Variants in NEK1 observed in about 807,000 individuals in gnomAD.
NEK1 encodes the protein NIMA related kinase 1.
A neutral mutation model predicts 182.1 loss-of-function variants in NEK1; 137 were observed. The ratio of observed to expected loss-of-function variants is 0.75; its 90% CI spans 0.65 to 0.87. The LOEUF is 0.87. Ranked by LOEUF, NEK1 falls within the 40% of genes least tolerant of loss-of-function variation. The pLI is 0.00. For missense variants in NEK1, 1,391 were observed against 1,494.4 expected (o/e 0.93, Z 1.14); for synonymous variants, 513 against 492.2 (o/e 1.04, Z -0.56).
chr4:169,420,331 G>A (rs549206856), intron 31 of NEK1, among the ~76,000 whole-genome samples: 12 of 152,178 alleles, frequency 7.9e-5, no homozygotes, highest in African/African-American at 2.4e-4. Flanking sequence ...CTTTTAATAC[G>A]TAGAACACTC....
At chr4:169,473,389 T>C (rs28697181) in intron 26 of NEK1, among the ~76,000 whole-genome samples, 3 of 152,156 alleles carry the variant, frequency 2.0e-5, no homozygotes, top group Non-Finnish European at 4.4e-5. Context: ...TGAAAAATTA[T>C]CTATTGGGGT....
At chr4:169,417,955 A>G (rs144407318) in intron 31 of NEK1, among the ~76,000 whole-genome samples, 46 of 152,362 alleles carry the variant, frequency 3.0e-4, no homozygotes, top group African/African-American at 1.1e-3. Flanking sequence ...ATTCATTAAA[A>G]TAAAACAAAA....
At chr4:169,577,550 G>A (rs1025563173) in intron 11 of NEK1, among the ~76,000 whole-genome samples, 4 of 151,916 alleles carry the variant, frequency 2.6e-5, no homozygotes, top group Non-Finnish European at 5.9e-5. Flanking sequence ...GGTGGATCAC[G>A]AGGTCAGGAG....
At chr4:169,445,834 C>T (rs1349998323) in intron 27 of NEK1, among the ~76,000 whole-genome samples, 3 of 134,942 alleles carry the variant, frequency 2.2e-5, no homozygotes, top group Non-Finnish European at 4.5e-5. Context: ...AAACTTAAAA[C>T]AAAACAACTA....
chr4:169,543,825 T>C (rs1050289709), intron 18 of NEK1, among the ~76,000 whole-genome samples: 1 of 152,230 alleles, frequency 6.6e-6, no homozygotes, highest in Non-Finnish European at 1.5e-5. Context: ...TTTTTGCACA[T>C]TGATTTTGTA....
intron 11 of NEK1, among the ~76,000 whole-genome samples, chr4:169,577,445 T>C (rs1045631983): frequency 1.3e-5 from 2 of 152,116 alleles, no homozygotes; most frequent in Non-Finnish European, 2.9e-5. Context: ...ATAAACTGTA[T>C]GGTATGTAAG....
chr4:169,459,036 C>T (rs1289919800), intron 27 of NEK1, among the ~76,000 whole-genome samples: 1 of 151,406 alleles, frequency 6.6e-6, no homozygotes, highest in African/African-American at 2.4e-5. Context: ...TGCAAACAGT[C>T]CAAAATCTGA....
intron 19 of NEK1, among the ~76,000 whole-genome samples, chr4:169,527,404 C>T (rs1377032282): frequency 6.6e-6 from 1 of 152,038 alleles, no homozygotes; most frequent in East Asian, 1.9e-4. Flanking sequence ...ATAAATATAA[C>T]AAAGTATTCC....
At chr4:169,460,757 C>A (rs1743818801) in intron 27 of NEK1, among the ~76,000 whole-genome samples, 1 of 152,010 alleles carries the variant, frequency 6.6e-6, no homozygotes, top group South Asian at 2.1e-4. Context: ...AGACTTTCTG[C>A]AGCAATGTTT....
At chr4:169,421,916 T>C (rs1160576949) in intron 31 of NEK1, among the ~76,000 whole-genome samples, 4 of 152,196 alleles carry the variant, frequency 2.6e-5, no homozygotes, top group African/African-American at 7.2e-5. Flanking sequence ...TAGACATTCA[T>C]AGCATATTTC....
At chr4:169,562,851 T>C (rs1420717139) in intron 12 of NEK1, among the ~76,000 whole-genome samples, 1 of 152,186 alleles carries the variant, frequency 6.6e-6, no homozygotes, top group Non-Finnish European at 1.5e-5. Flanking sequence ...CATTTCTTCT[T>C]TTATATACTG....
intron 19 of NEK1, among the ~76,000 whole-genome samples, chr4:169,512,421 T>C (rs1411698680): frequency 2.0e-5 from 3 of 152,112 alleles, no homozygotes; most frequent in Non-Finnish European, 4.4e-5. Context: ...TTTGGTGAAA[T>C]GTTTTGTATA....
intron 12 of NEK1, among the ~76,000 whole-genome samples, chr4:169,571,932 G>A (rs144956958): frequency 0.012 from 1,790 of 146,756 alleles, 31 homozygotes; most frequent in African/African-American, 0.043. Flanking sequence ...TAGAGAAGGT[G>A]TTTCACCATG....
intron 5 of NEK1, among the ~76,000 whole-genome samples, chr4:169,592,038 T>TAA (rs200855876): frequency 6.9e-6 from 1 of 144,528 alleles, no homozygotes; most frequent in African/African-American, 2.5e-5. Flanking sequence ...CCTCACAAAT[T>TAA]AAAAAAAAAA....
chr4:169,602,726 C>T lies in NEK1; in HGVS notation c.-48-48G>A, dbSNP rs1034691223. 5 of 651,108 alleles carry T rather than the reference C, an allele frequency of 7.7e-6. No individual in the cohort carries two copies. The African/African-American group carries it at 9.4e-5, about 12-fold the overall frequency. 40.3% of individuals were successfully genotyped at this position (651,108 alleles called of 1,614,324 possible). ...TATAACATGAGATAAAACATTATAA[C>T]TTCATAACAATTTTAATGTTTAATT... On this transcript the variant is annotated intron_variant, in intron 2 of 35. Transcript: ENST00000507142.
intron 27 of NEK1, among the ~76,000 whole-genome samples, chr4:169,450,973 G>A (rs1488757581): frequency 5.3e-5 from 8 of 151,972 alleles, no homozygotes; most frequent in Admixed American, 1.3e-4. Flanking sequence ...AAAAAAAAGC[G>A]GGGGTTGCCA....
Position 169,542,615 on chromosome 4 carries a change from C to A in NEK1, c.1563-4704G>T, listed in dbSNP as rs188080010. On this transcript the variant is annotated intron_variant, in intron 18 of 35. Coordinates refer to ENST00000507142, the MANE Select transcript of NEK1 (RefSeq NM_001199397.3). ...ATGGTTGAACTAATTTACACTCCCA[C>A]CAACAGTGTAAAAGCATTCCTATTT... Among the ~76,000 whole-genome samples the A allele has an allele frequency of 4.6e-5, 7 of 152,330 alleles. No homozygotes were observed. The East Asian group carries it at 1.3e-3, about 29-fold the overall frequency.
At chr4:169,598,016 A>G (rs903014554) in intron 5 of NEK1, among the ~76,000 whole-genome samples, 1 of 152,186 alleles carries the variant, frequency 6.6e-6, no homozygotes, top group Non-Finnish European at 1.5e-5. Context: ...ATATATGTAC[A>G]TGTGTTAAGT....
chr4:169,523,084 G>A (rs1317245234), intron 19 of NEK1, among the ~76,000 whole-genome samples: 4 of 152,166 alleles, frequency 2.6e-5, no homozygotes, highest in African/African-American at 2.4e-5. Context: ...TAGAGGGAAG[G>A]AACAGGGAAA....
Sources: gnomAD v4.1 joint callset for allele counts (sites outside exome capture counted in the v4.1 genomes callset) on GRCh38, gnomAD v4.1.1 for gene constraint, MANE v1.5 for transcripts, NCBI Gene and HGNC (gene_info 2026-07-23, HGNC 2026-07-21) for gene names.